CTNNAL1: variants seen among roughly 807,000 people sequenced by gnomAD.
CTNNAL1 encodes catenin alpha like 1, also known as alpha-catulin.
A neutral mutation model predicts 93.6 loss-of-function variants in CTNNAL1; 69 were observed. The ratio of observed to expected loss-of-function variants is 0.74; its 90% CI spans 0.61 to 0.90. CTNNAL1 has a LOEUF of 0.90. CTNNAL1 is among the 40% of genes least tolerant of loss of function. The pLI, the probability that CTNNAL1 is intolerant of heterozygous loss-of-function variation, is 0.00. For synonymous variants in CTNNAL1, 286 were observed against 305.4 expected (o/e 0.94, Z 0.66); for missense variants, 836 against 862.0 (o/e 0.97, Z 0.38).
intron 10 of CTNNAL1, among the ~76,000 whole-genome samples, chr9:108,969,682 T>C (rs774305729): frequency 2.2e-4 from 34 of 152,188 alleles, no homozygotes; most frequent in Non-Finnish European, 1.5e-4. Context: ...ATATAGACTC[T>C]TGCTCTGTCA....
chr9:109,007,695 A>G (rs972482177), intron 1 of CTNNAL1, among the ~76,000 whole-genome samples: 1 of 152,200 alleles, frequency 6.6e-6, no homozygotes, highest in Non-Finnish European at 1.5e-5. Flanking sequence ...ACATATGAGT[A>G]TATATAACAT....
intron 1 of CTNNAL1, among the ~76,000 whole-genome samples, chr9:109,010,873 C>G (rs1253570120): frequency 6.6e-6 from 1 of 152,188 alleles, no homozygotes; most frequent in Non-Finnish European, 1.5e-5. Context: ...CTGACTCATC[C>G]ATGCCTTCTC....
At chr9:108,955,213 T>C (rs1474527729) in intron 12 of CTNNAL1, among the ~76,000 whole-genome samples, 1 of 152,116 alleles carries the variant, frequency 6.6e-6, no homozygotes, top group African/African-American at 2.4e-5. Context: ...CTCAAACTCT[T>C]GACCTCAGGT....
intron 2 of CTNNAL1, among the ~76,000 whole-genome samples, chr9:108,998,485 G>A (rs1251642029): frequency 2.0e-5 from 3 of 151,968 alleles, no homozygotes; most frequent in Non-Finnish European, 2.9e-5. Context: ...GCCCAAGATG[G>A]CAGATTTTGG....
chr9:108,990,955 TGAG>T, intron 3 of CTNNAL1, 110 bp from the exon 4 acceptor site: 3 of 1,300,154 alleles, frequency 2.3e-6, no homozygotes, highest in South Asian at 1.6e-5. Context: ...AGGTGAAAGC[TGAG>T]GAGGAGGAGC....
intron 1 of CTNNAL1, among the ~76,000 whole-genome samples, chr9:109,008,395 C>A (rs2132223178): frequency 6.6e-6 from 1 of 152,248 alleles, no homozygotes; most frequent in South Asian, 2.1e-4. Flanking sequence ...GATCCACCCA[C>A]CTCAGCCTCC....
intron 1 of CTNNAL1, among the ~76,000 whole-genome samples, chr9:109,012,220 G>GGA (rs147350923): frequency 0.066 from 10,047 of 152,264 alleles, 1,113 homozygotes; most frequent in African/African-American, 0.23. Context: ...GGGCTGGGCA[G>GGA]GAGAAGAGAT....
In CTNNAL1 at chr9:109,009,010, T is replaced by G. The variant is rs184550257; in HGVS notation, c.141+4292A>C. Among the ~76,000 whole-genome samples the G allele has an allele frequency of 4.2e-4, 61 of 145,406 alleles. 1 individual carries two copies. The East Asian group carries it at 0.013, about 31-fold the overall frequency. On this transcript the variant is annotated intron_variant, in intron 1 of 18. Transcript: ENST00000325551. ...CCCCAGCTCAAGCAATCCTCCCACC[T>G]CAGCCTCTAGAGTACCTGGGACCAC...
chr9:108,955,117 C>G (rs1475320964), intron 12 of CTNNAL1, among the ~76,000 whole-genome samples: 1 of 152,148 alleles, frequency 6.6e-6, no homozygotes, highest in African/African-American at 2.4e-5. Flanking sequence ...CCTCTGCCAC[C>G]ACGCCTGGCT....
chr9:108,981,408 G>A (rs1426297508), intron 6 of CTNNAL1, among the ~76,000 whole-genome samples: 1 of 151,380 alleles, frequency 6.6e-6, no homozygotes, highest in Non-Finnish European at 1.5e-5. Context: ...ATGGACTTTG[G>A]GATTAGAGAA....
intron 1 of CTNNAL1, among the ~76,000 whole-genome samples, chr9:109,001,172 C>CAAAAAAAA (rs757020475): frequency 1.8e-5 from 1 of 56,800 alleles, no homozygotes; most frequent in Non-Finnish European, 3.3e-5. Context: ...ACTCCATCTC[C>CAAAAAAAA]AAAAAAAAAA....
intron 11 of CTNNAL1, among the ~76,000 whole-genome samples, chr9:108,958,908 T>C (rs1399867414): frequency 6.7e-6 from 1 of 150,300 alleles, no homozygotes; most frequent in East Asian, 2.0e-4. Context: ...TAATTATAGA[T>C]GTTATTTCCA....
intron 9 of CTNNAL1, among the ~76,000 whole-genome samples, chr9:108,971,436 T>C (rs1192164788): frequency 1.3e-5 from 2 of 152,236 alleles, no homozygotes; most frequent in Admixed American, 6.5e-5. Context: ...AAATCTCACC[T>C]TGAATTGGTA....
At chr9:109,010,263 C>T (rs1827168639) in intron 1 of CTNNAL1, among the ~76,000 whole-genome samples, 1 of 152,168 alleles carries the variant, frequency 6.6e-6, no homozygotes, top group Non-Finnish European at 1.5e-5. Flanking sequence ...ACTCAGTGAA[C>T]TTGCCAACAC....
chr9:108,972,864 G>GCGGCCCCCCCCC, intron 8 of CTNNAL1, 31 bp from the exon 9 acceptor site: 1 of 142,586 alleles, frequency 7.0e-6, no homozygotes, highest in Non-Finnish European at 1.0e-5. Context: ...GGGGGGGTGG[G>GCGGCCCCCCCCC]AGGGTGGAGA....
chr9:108,989,893 T>C (rs1831734620), intron 4 of CTNNAL1, among the ~76,000 whole-genome samples: 1 of 151,802 alleles, frequency 6.6e-6, no homozygotes, highest in African/African-American at 2.4e-5. Flanking sequence ...CTACTAAAAA[T>C]ACAAAAAGTT....
intron 11 of CTNNAL1, among the ~76,000 whole-genome samples, chr9:108,959,447 G>C (rs1830773373): frequency 6.7e-6 from 1 of 150,368 alleles, no homozygotes; most frequent in Non-Finnish European, 1.5e-5. Context: ...TAAAAAATCT[G>C]GGCATGGTGG....
intron 6 of CTNNAL1, 29 bp from the exon 7 acceptor site, chr9:108,979,510 C>T (rs1831364792): frequency 3.7e-6 from 6 of 1,606,582 alleles, no homozygotes; most frequent in Non-Finnish European, 4.3e-6. Context: ...TCTATCCATC[C>T]ATGTGAGTCA....
At chr9:108,995,989 C>T (rs1457216113) in intron 2 of CTNNAL1, among the ~76,000 whole-genome samples, 2 of 151,052 alleles carry the variant, frequency 1.3e-5, no homozygotes, top group Non-Finnish European at 2.9e-5. Flanking sequence ...GACAGGGTCT[C>T]TCTCTGTCAT....
Sources: gnomAD v4.1 joint callset for allele counts (sites outside exome capture counted in the v4.1 genomes callset) on GRCh38, gnomAD v4.1.1 for gene constraint, MANE v1.5 for transcripts, NCBI Gene and HGNC (gene_info 2026-07-23, HGNC 2026-07-21) for gene names.